Variants in SGCZ observed in about 807,000 individuals in gnomAD.
SGCZ encodes the protein zeta-sarcoglycan.
A neutral mutation model predicts 41.3 loss-of-function variants in SGCZ; 40 were observed. The observed-to-expected ratio is 0.97, with a 90% confidence interval of 0.75 to 1.26. SGCZ has a LOEUF of 1.26. Among genes scored for constraint, SGCZ ranks in the 50% most tolerant of loss-of-function variants. The pLI is 0.00. For missense variants in SGCZ, 552 were observed against 369.8 expected, an observed-to-expected ratio of 1.49 and a Z score of -4.04; for synonymous variants, 206 against 137.5, an observed-to-expected ratio of 1.50 and a Z score of -3.49.
At chr8:15,140,498 T>C (rs942344132) in intron 1 of SGCZ, among the ~76,000 whole-genome samples, 1 of 152,314 alleles carries the variant, frequency 6.6e-6, no homozygotes, top group African/African-American at 2.4e-5. Flanking sequence ...AGGATGGAGA[T>C]AATACAGATT....
At chr8:14,203,725 G>T (rs551278970) in intron 4 of SGCZ, among the ~76,000 whole-genome samples, 7 of 152,064 alleles carry the variant, frequency 4.6e-5, no homozygotes, top group Non-Finnish European at 1.0e-4. Context: ...AACTAATGAG[G>T]GCTATGGAGA....
intron 1 of SGCZ, among the ~76,000 whole-genome samples, chr8:14,852,874 G>C (rs1044527753): frequency 7.9e-5 from 12 of 151,996 alleles, no homozygotes; most frequent in African/African-American, 1.9e-4. Flanking sequence ...GAATCTCCTC[G>C]TCTAAACTCT....
intron 5 of SGCZ, among the ~76,000 whole-genome samples, chr8:14,109,546 A>G (rs1401516724): frequency 6.6e-6 from 1 of 152,174 alleles, no homozygotes; most frequent in Non-Finnish European, 1.5e-5. Context: ...TAAACTATAC[A>G]ATGTAATTTA....
intron 5 of SGCZ, among the ~76,000 whole-genome samples, chr8:14,143,696 G>T (rs533744867): frequency 1.3e-5 from 2 of 152,044 alleles, no homozygotes; most frequent in Admixed American, 6.6e-5. Flanking sequence ...ACTCATAGTC[G>T]CTGATTTAAC....
At chr8:14,702,972 GACA>G (rs1809217043) in intron 1 of SGCZ, among the ~76,000 whole-genome samples, 4 of 58,710 alleles carry the variant, frequency 6.8e-5, no homozygotes, top group Non-Finnish European at 1.3e-4. Flanking sequence ...TAGATAGATA[GACA>G]GACAGACAGA....
At chr8:14,323,432 A>T (rs575672675) in intron 3 of SGCZ, among the ~76,000 whole-genome samples, 2 of 152,048 alleles carry the variant, frequency 1.3e-5, no homozygotes, top group East Asian at 3.9e-4. Context: ...AAAATATCTC[A>T]GGGGGAATGT....
chr8:14,673,025 G>A (rs1037886708), intron 1 of SGCZ, among the ~76,000 whole-genome samples: 8 of 152,178 alleles, frequency 5.3e-5, no homozygotes, highest in African/African-American at 1.9e-4. Context: ...CAGCAGGCAA[G>A]ATTTGGCCTG....
chr8:14,207,499 T>C (rs1368282124), intron 4 of SGCZ, among the ~76,000 whole-genome samples: 7 of 152,234 alleles, frequency 4.6e-5, no homozygotes. Context: ...TTTACATTTT[T>C]CTAAATGCTA....
rs532187596 is a variant in SGCZ, at chr8:14,736,173, A to G, written c.40-181247T>C. On this transcript the variant is annotated intron_variant, in intron 1 of 7. Coordinates refer to ENST00000382080, the MANE Select transcript of SGCZ (RefSeq NM_139167.4). ...AACCTACTTCATTCCAGAAATATGA[A>G]TATATGAGCCATGTTTTGTAGAGGT... is the stretch of plus-strand genomic sequence containing the variant. Among the ~76,000 whole-genome samples the G allele has an allele frequency of 3.3e-5, 5 of 152,230 alleles. No homozygotes were observed. The East Asian group carries it at 9.7e-4, about 29-fold the overall frequency.
chr8:14,661,009 G>C lies in SGCZ; in HGVS notation c.40-106083C>G, dbSNP rs150793909. Among the ~76,000 whole-genome samples the C allele has an allele frequency of 8.3e-3, 1,265 of 152,190 alleles. 12 individuals are homozygous for C. The highest frequency in any genetic ancestry group is 0.012 in the Non-Finnish European group (845 of 68,014). ...CATTATTATTAATAAATACTATTGT[G>C]ACAGCAGCTATATTTAGAGGGTTCT... is the stretch of plus-strand genomic sequence containing the variant. On this transcript the variant is annotated intron_variant, in intron 1 of 7. Coordinates refer to ENST00000382080, the MANE Select transcript of SGCZ (RefSeq NM_139167.4).
At chr8:14,347,985 C>T (rs1244735258) in intron 2 of SGCZ, among the ~76,000 whole-genome samples, 1 of 152,096 alleles carries the variant, frequency 6.6e-6, no homozygotes, top group African/African-American at 2.4e-5. Context: ...TCCCACCAGA[C>T]ATTCCCTTGC....
chr8:14,712,394 A>G (rs200090591), intron 1 of SGCZ, among the ~76,000 whole-genome samples: 1 of 152,220 alleles, frequency 6.6e-6, no homozygotes, highest in East Asian at 1.9e-4. Flanking sequence ...ATTTTTACAG[A>G]GGCATCATTA....
chr8:14,401,625 G>T lies in SGCZ; in HGVS notation c.235-77421C>A, dbSNP rs553768235. On this transcript the variant is annotated intron_variant, in intron 2 of 7. Transcript: ENST00000382080. ...CTACAAAGGACATGAACTCATCATTGTTTATGGCTGCATAGTATTCCATGG... is the reference window on the plus strand; with the variant it reads ...CTACAAAGGACATGAACTCATCATTTTTTATGGCTGCATAGTATTCCATGG... 1.8e-4 allele frequency among the ~76,000 whole-genome samples: 27 copies of T among 151,518 alleles called. No individual in the cohort carries two copies. In the East Asian group the frequency reaches 2.7e-3, roughly 15 times the overall value.
chr8:14,511,190 T>A (rs1028779492), intron 2 of SGCZ, among the ~76,000 whole-genome samples: 3 of 135,104 alleles, frequency 2.2e-5, no homozygotes, highest in African/African-American at 8.4e-5. Flanking sequence ...CTTGACTATA[T>A]AAAACTACGA....
intron 1 of SGCZ, among the ~76,000 whole-genome samples, chr8:15,233,794 G>A (rs571506263): frequency 6.6e-6 from 1 of 152,026 alleles, no homozygotes; most frequent in South Asian, 2.1e-4. Flanking sequence ...TCTGCAATTA[G>A]CAGAAAAAAA....
chr8:14,832,095 T>C (rs1031204081), intron 1 of SGCZ, among the ~76,000 whole-genome samples: 4 of 152,204 alleles, frequency 2.6e-5, no homozygotes. Context: ...ATCAACTATG[T>C]TGAAATAGCA....
intron 2 of SGCZ, among the ~76,000 whole-genome samples, chr8:14,515,875 T>G (rs938200290): frequency 6.6e-6 from 1 of 152,142 alleles, no homozygotes; most frequent in Admixed American, 6.6e-5. Context: ...TAAAGATGAA[T>G]GATTTTGAGT....
intron 1 of SGCZ, among the ~76,000 whole-genome samples, chr8:14,647,459 C>A (rs1254050678): frequency 2.6e-5 from 4 of 151,992 alleles, no homozygotes; most frequent in Non-Finnish European, 4.4e-5. Context: ...ATTCATATTT[C>A]TAGCTGTCTA....
chr8:14,666,142 A>C (rs1032862646), intron 1 of SGCZ, among the ~76,000 whole-genome samples: 2 of 152,158 alleles, frequency 1.3e-5, no homozygotes, highest in East Asian at 3.9e-4. Context: ...GTTTTTGCCA[A>C]GCATCCACCT....
Sources: gnomAD v4.1 joint callset for allele counts (sites outside exome capture counted in the v4.1 genomes callset) on GRCh38, gnomAD v4.1.1 for gene constraint, MANE v1.5 for transcripts, NCBI Gene and HGNC (gene_info 2026-07-23, HGNC 2026-07-21) for gene names.